Variants in ZFP64 observed in about 807,000 individuals in gnomAD.
ZFP64 encodes the protein zinc finger protein 64.
In ZFP64, 14 loss-of-function variants were observed where a neutral mutation model predicts 51.6. The ratio of observed to expected loss-of-function variants is 0.27; its 90% confidence interval spans 0.18 to 0.42. ZFP64 has a LOEUF of 0.42. Among genes scored for constraint, ZFP64 ranks in the 10% least tolerant of loss-of-function variants. The pLI is 1.00. For synonymous variants in ZFP64, 375 were observed against 361.4 expected (o/e 1.04, Z -0.43); for missense variants, 754 against 906.8 (o/e 0.83, Z 2.16).
intron 1 of ZFP64, among the ~76,000 whole-genome samples, chr20:52,187,745 T>C (rs1433113626): frequency 7.9e-5 from 12 of 152,096 alleles, no homozygotes; most frequent in Admixed American, 7.9e-4. Flanking sequence ...ATAGCAACCA[T>C]CCATGTGATG....
intron 5 of ZFP64, among the ~76,000 whole-genome samples, chr20:52,129,772 G>C (rs1231944161): frequency 6.6e-6 from 1 of 152,166 alleles, no homozygotes; most frequent in Non-Finnish European, 1.5e-5. Context: ...CATATGTGTT[G>C]TGACAACTCG....
chr20:52,109,796 A>G (rs192184413), intron 5 of ZFP64, among the ~76,000 whole-genome samples: 3,829 of 150,398 alleles, frequency 0.025, 81 homozygotes, highest in Non-Finnish European at 0.037. Flanking sequence ...AAAAAAAAAA[A>G]AAAAAAGAAA....
At chr20:52,129,270 T>A (rs1273473187) in intron 5 of ZFP64, among the ~76,000 whole-genome samples, 2 of 151,512 alleles carry the variant, frequency 1.3e-5, no homozygotes, top group Non-Finnish European at 2.9e-5. Context: ...TTTTTCTTTT[T>A]TTTTTTGTAT....
At chr20:52,088,019 A>T (rs2078882401) in intron 8 of ZFP64, among the ~76,000 whole-genome samples, 1 of 152,168 alleles carries the variant, frequency 6.6e-6, no homozygotes, top group Admixed American at 6.5e-5. Flanking sequence ...AAAGTTTGTG[A>T]TTTTTAATTA....
intron 5 of ZFP64, among the ~76,000 whole-genome samples, chr20:52,120,667 CTTTTTTTTTTT>C (rs11469627): frequency 1.7e-5 from 1 of 57,436 alleles, no homozygotes; most frequent in African/African-American, 7.7e-5. Flanking sequence ...GATCAGTGAT[CTTTTTTTTTTT>C]TTTTTTTTTT....
At chr20:52,127,169 C>T (rs1979486214) in intron 5 of ZFP64, among the ~76,000 whole-genome samples, 1 of 152,088 alleles carries the variant, frequency 6.6e-6, no homozygotes, top group South Asian at 2.1e-4. Context: ...CCAGGCTGGT[C>T]TCAATCTCCT....
intron 2 of ZFP64, among the ~76,000 whole-genome samples, chr20:52,170,332 G>C (rs900271559): frequency 4.0e-5 from 6 of 150,860 alleles, no homozygotes; most frequent in Non-Finnish European, 8.9e-5. Flanking sequence ...CGCACCTGTA[G>C]TCCCAGCTAC....
chr20:52,149,279 A>G (rs1980674279), downstream of ZFP64, among the ~76,000 whole-genome samples: 1 of 146,076 alleles, frequency 6.8e-6, no homozygotes, highest in Admixed American at 7.1e-5. Flanking sequence ...TTACAGAAAA[A>G]AAAAAAAAAA....
chr20:52,115,161 G>A (rs1352386276), intron 5 of ZFP64, among the ~76,000 whole-genome samples: 4 of 136,490 alleles, frequency 2.9e-5, no homozygotes, highest in Admixed American at 8.3e-5. Flanking sequence ...CCAAGATCAC[G>A]CCACTGTACT....
chr20:52,119,745 AC>A (rs1194164195), intron 5 of ZFP64, among the ~76,000 whole-genome samples: 4 of 151,794 alleles, frequency 2.6e-5, no homozygotes, highest in South Asian at 2.1e-4. Flanking sequence ...AAACAAAAAA[AC>A]AACCAAACAA....
intron 5 of ZFP64, chr20:52,110,805 C>T (rs1339241274): frequency 1.9e-6 from 3 of 1,595,762 alleles, no homozygotes; most frequent in Middle Eastern, 3.3e-4. Context: ...CTTTGAGCAG[C>T]TTGTATTTCT....
chr20:52,168,922 T>C (rs1370448930), intron 2 of ZFP64, among the ~76,000 whole-genome samples: 1 of 152,260 alleles, frequency 6.6e-6, no homozygotes, highest in Non-Finnish European at 1.5e-5. Flanking sequence ...ATCAAGTTTG[T>C]TCACATGCAC....
chr20:52,177,207 TA>T (rs1983292796), intron 2 of ZFP64, among the ~76,000 whole-genome samples: 1 of 152,152 alleles, frequency 6.6e-6, no homozygotes, highest in African/African-American at 2.4e-5. Context: ...AGATTTGGGG[TA>T]AAGTTTAGAT....
At chr20:52,185,700 T>C (rs2180595) in intron 2 of ZFP64, among the ~76,000 whole-genome samples, 65,720 of 151,244 alleles carry the variant, frequency 0.43, 14,653 homozygotes, top group African/African-American at 0.53. Context: ...CCTGCCTTGG[T>C]CCCCCGAGTA....
At chr20:52,175,875 C>CCCCAAAAA in intron 2 of ZFP64, 6 of 965,644 alleles carry the variant, frequency 6.2e-6, no homozygotes, top group African/African-American at 1.8e-5. Context: ...CCCCCGCCCC[C>CCCCAAAAA]AAAATAATTC....
At chr20:52,178,396 A>G (rs1207873722) in intron 2 of ZFP64, among the ~76,000 whole-genome samples, 2 of 152,170 alleles carry the variant, frequency 1.3e-5, no homozygotes, top group Non-Finnish European at 2.9e-5. Flanking sequence ...TGGGGATAAT[A>G]ATTATTATTA....
chr20:52,108,912 AG>A (rs1452317203), intron 5 of ZFP64, among the ~76,000 whole-genome samples: 1 of 150,890 alleles, frequency 6.6e-6, no homozygotes, highest in African/African-American at 2.4e-5. Context: ...ACAAACTTAC[AG>A]GGTCTACAGA....
At chr20:52,175,864 G>GACC in intron 2 of ZFP64, 1 of 256,928 alleles carries the variant, frequency 3.9e-6, no homozygotes, top group Non-Finnish European at 5.2e-6. Context: ...CCCCGCTGCC[G>GACC]CCCCCGCCCC....
chr20:52,088,355 A>G (rs769133483), intron 8 of ZFP64: 1 of 1,599,428 alleles, frequency 6.3e-7, no homozygotes, highest in African/African-American at 1.4e-5. Context: ...AATTAGAGAA[A>G]AAGTAAGGGA....
Sources: gnomAD v4.1 joint callset for allele counts (sites outside exome capture counted in the v4.1 genomes callset) on GRCh38, gnomAD v4.1.1 for gene constraint, MANE v1.5 for transcripts, NCBI Gene and HGNC (gene_info 2026-07-23, HGNC 2026-07-21) for gene names.